Variants in CD82 observed in about 807,000 individuals in gnomAD.
CD82 encodes the protein CD82 molecule.
CD82 carries 36 observed loss-of-function variants against 37.4 expected under a neutral mutation model. That is an observed-to-expected ratio of 0.96 (90% CI 0.74 to 1.27). CD82 has a LOEUF of 1.27. Among genes scored for constraint, CD82 ranks in the 50% most tolerant of loss-of-function variants. CD82 has a pLI of 0.00. For synonymous variants in CD82, 158 were observed against 137.4 expected (o/e 1.15, Z -1.05); for missense variants, 340 against 347.0 (o/e 0.98, Z 0.16).
intron 7 of CD82, 84 bp from the exon 8 acceptor site, chr11:44,618,078 C>A (rs1357687868): frequency 8.2e-7 from 1 of 1,213,646 alleles, no homozygotes; most frequent in Non-Finnish European, 1.2e-6. Flanking sequence ...AGTCTCTGTC[C>A]TGGGGAGGTC....
intron 1 of CD82, among the ~76,000 whole-genome samples, chr11:44,570,553 G>A (rs1453437889): frequency 6.6e-6 from 1 of 152,244 alleles, no homozygotes; most frequent in African/African-American, 2.4e-5. Context: ...CATACCAGGT[G>A]ACTCCTTGGC....
chr11:44,592,409 T>C (rs1291630141), intron 2 of CD82, among the ~76,000 whole-genome samples: 1 of 152,256 alleles, frequency 6.6e-6, no homozygotes, highest in Non-Finnish European at 1.5e-5. Flanking sequence ...CTGAACCTGG[T>C]TGGTCTCTTG....
intron 3 of CD82, among the ~76,000 whole-genome samples, chr11:44,598,171 T>G (rs1185156419): frequency 6.6e-6 from 1 of 151,960 alleles, no homozygotes; most frequent in Non-Finnish European, 1.5e-5. Context: ...CAGTGATGAT[T>G]CTGGTGGGAG....
chr11:44,576,707 C>G (rs1219738516), intron 1 of CD82, among the ~76,000 whole-genome samples: 7 of 152,200 alleles, frequency 4.6e-5, no homozygotes, highest in African/African-American at 1.4e-4. Flanking sequence ...CTGAGTCCTC[C>G]TTTCTCATAA....
At chr11:44,577,271 A>G (rs1473218071) in intron 1 of CD82, among the ~76,000 whole-genome samples, 1 of 152,160 alleles carries the variant, frequency 6.6e-6, no homozygotes, top group African/African-American at 2.4e-5. Flanking sequence ...AAAATGTATC[A>G]TGCAGAATTT....
intron 2 of CD82, among the ~76,000 whole-genome samples, chr11:44,590,972 A>T (rs920007138): frequency 4.6e-5 from 7 of 152,206 alleles, no homozygotes; most frequent in Non-Finnish European, 1.0e-4. Context: ...AGTGTGGAGA[A>T]TGTTCTTCAC....
chr11:44,580,171 A>G (rs930780968), intron 1 of CD82, among the ~76,000 whole-genome samples: 1 of 152,124 alleles, frequency 6.6e-6, no homozygotes, highest in African/African-American at 2.4e-5. Context: ...CCCACCCCCA[A>G]GTTCTTGTAG....
intron 4 of CD82, among the ~76,000 whole-genome samples, chr11:44,604,080 C>T (rs1435563902): frequency 6.6e-6 from 1 of 152,208 alleles, no homozygotes; most frequent in African/African-American, 2.4e-5. Context: ...CATTCTGACC[C>T]TCTCCCAGCC....
chr11:44,578,121 G>A (rs1049637493), intron 1 of CD82, among the ~76,000 whole-genome samples: 1 of 151,992 alleles, frequency 6.6e-6, no homozygotes, highest in East Asian at 1.9e-4. Flanking sequence ...ACCTGAGGGC[G>A]GCCTCCCAGG....
At position 44,619,260 on chromosome 11, in the gene CD82, G is replaced by A; in HGVS notation, c.*134G>A. On this transcript the variant is annotated 3_prime_UTR_variant, in exon 10 of 10. Transcript: ENST00000227155. ...TTGCCCATCCTGACTGAAAGTAGGGGGCTTTCTGGGGCCTAGCGATCTCTC... is the reference window on the plus strand; with the variant it reads ...TTGCCCATCCTGACTGAAAGTAGGGAGCTTTCTGGGGCCTAGCGATCTCTC... 2 of 703,610 alleles carry A rather than the reference G, an allele frequency of 2.8e-6. No homozygotes were observed. Among genetic ancestry groups the A allele is most frequent in the East Asian group, 2.6e-5 (1 of 38,182 alleles). 43.6% of individuals were successfully genotyped at this position (703,610 alleles called of 1,614,324 possible).
At chr11:44,586,981 G>A (rs748200481) in intron 1 of CD82, among the ~76,000 whole-genome samples, 34 of 152,202 alleles carry the variant, frequency 2.2e-4, no homozygotes, top group Non-Finnish European at 4.1e-4. Context: ...TAACTGCAGT[G>A]AGGGTGCCGT....
rs556267921 is a variant in CD82, at chr11:44,617,586, G to A, written c.439-576G>A. On this transcript the variant is annotated intron_variant, in intron 7 of 9. Coordinates refer to ENST00000227155, the MANE Select transcript of CD82 (RefSeq NM_002231.4). ...AAAAAAAAAAAAAAAAAAAAAAGGCGGAATTGACCCCGTCTCCTTTTTCAC... is the reference window on the plus strand; with the variant it reads ...AAAAAAAAAAAAAAAAAAAAAAGGCAGAATTGACCCCGTCTCCTTTTTCAC... Among the ~76,000 whole-genome samples, 642 of 148,628 alleles carry A rather than the reference G, an allele frequency of 4.3e-3. 1 individual carries two copies. Among genetic ancestry groups the A allele is most frequent in the Middle Eastern group, 0.011 (3 of 278 alleles).
chr11:44,576,560 G>A (rs896892254), intron 1 of CD82, among the ~76,000 whole-genome samples: 1 of 152,178 alleles, frequency 6.6e-6, no homozygotes, highest in African/African-American at 2.4e-5. Flanking sequence ...GTCAGCCCAA[G>A]GGTCAAAGCT....
At chr11:44,593,359 C>G (rs1013194268) in intron 2 of CD82, among the ~76,000 whole-genome samples, 1 of 152,276 alleles carries the variant, frequency 6.6e-6, no homozygotes, top group Non-Finnish European at 1.5e-5. Flanking sequence ...TCCACCCCCC[C>G]AGCCCAGCTC....
rs1853193228 is a variant in CD82, at chr11:44,594,524, C to A, written c.-20-119C>A. 4 of 683,134 alleles carry A rather than the reference C, an allele frequency of 5.9e-6. No homozygotes were observed. The South Asian group carries it at 6.5e-5, about 11-fold the overall frequency. 42.3% of individuals were successfully genotyped at this position (683,134 alleles called of 1,614,324 possible). On this transcript the variant is annotated intron_variant, in intron 2 of 9. Transcript: ENST00000227155. ...GTGTGGCTTTGGGCTAGTTGTCTAA[C>A]CTCTCTGGGCCTCTGCATCCTCTAA...
chr11:44,579,342 G>A (rs1034858701), intron 1 of CD82, among the ~76,000 whole-genome samples: 1 of 151,994 alleles, frequency 6.6e-6, no homozygotes, highest in Non-Finnish European at 1.5e-5. Context: ...CCCAGAGCAG[G>A]AGCTGGGAAG....
intron 1 of CD82, among the ~76,000 whole-genome samples, chr11:44,585,692 C>T (rs1054239392): frequency 6.6e-6 from 1 of 152,174 alleles, no homozygotes; most frequent in African/African-American, 2.4e-5. Context: ...ATTCTGAGTC[C>T]AGTACTTCTT....
At chr11:44,608,556 T>G (rs186047137) in intron 6 of CD82, among the ~76,000 whole-genome samples, 15 of 152,390 alleles carry the variant, frequency 9.8e-5, no homozygotes, top group African/African-American at 3.6e-4. Context: ...GGCATGCTAC[T>G]CAGCCTCCCT....
intron 6 of CD82, among the ~76,000 whole-genome samples, chr11:44,608,911 AACGGGAAGG>A (rs1427714342): frequency 6.6e-6 from 1 of 152,222 alleles, no homozygotes; most frequent in Non-Finnish European, 1.5e-5. Context: ...AGCACTAACA[AACGGGAAGG>A]GCGTCGTGCG....
Sources: gnomAD v4.1 joint callset for allele counts (sites outside exome capture counted in the v4.1 genomes callset) on GRCh38, gnomAD v4.1.1 for gene constraint, MANE v1.5 for transcripts, NCBI Gene and HGNC (gene_info 2026-07-23, HGNC 2026-07-21) for gene names.